The following THSD7A variants were observed in gnomAD, a reference collection of about 807,000 sequenced individuals.
THSD7A encodes thrombospondin type 1 domain containing 7A.
A neutral mutation model predicts 231.3 loss-of-function variants in THSD7A; 96 were observed. The observed-to-expected ratio is 0.41, with a 90% CI of 0.35 to 0.49. The LOEUF (loss-of-function observed/expected upper bound fraction) is 0.49, where lower values mean the gene tolerates loss of function less well. THSD7A is among the 20% of genes least tolerant of loss of function. THSD7A has a pLI of 0.05. For missense variants in THSD7A, 2,290 were observed against 2,070.2 expected (o/e 1.11, Z -2.06); for synonymous variants, 940 against 743.3 (o/e 1.26, Z -4.30).
At chr7:11,745,002 C>T (rs1030615028) in intron 1 of THSD7A, among the ~76,000 whole-genome samples, 4 of 151,972 alleles carry the variant, frequency 2.6e-5, no homozygotes, top group African/African-American at 9.7e-5. Context: ...GTTCTAGATC[C>T]CTGAGGAATC....
At chr7:11,804,700 A>G (rs1784356391) in intron 1 of THSD7A, among the ~76,000 whole-genome samples, 1 of 152,156 alleles carries the variant, frequency 6.6e-6, no homozygotes, top group Non-Finnish European at 1.5e-5. Context: ...CTCTTCCTCA[A>G]AGGAAATGTA....
chr7:11,784,617 A>G (rs573555192), intron 1 of THSD7A, among the ~76,000 whole-genome samples: 1 of 152,062 alleles, frequency 6.6e-6, no homozygotes, highest in African/African-American at 2.4e-5. Flanking sequence ...TTTTCCTTTC[A>G]AATGTACTTG....
rs529507694 is a variant in THSD7A at position 11,634,839 on chromosome 7, C to T, written c.1022+1291G>A. On this transcript the variant is annotated intron_variant, in intron 2 of 27. Transcript: ENST00000423059. The surrounding 1 kb of genome is among the most constrained non-coding windows in gnomAD (Gnocchi z 4.1). ...AGAGAAAGTTATTGTCTTAGACAGA[C>T]CAATCAATTTTTGTTTATCTAATTA... 2.6e-5 allele frequency among the ~76,000 whole-genome samples: 4 copies of T among 151,974 alleles called. No individual in the cohort carries two copies. Among genetic ancestry groups the T allele is most frequent in the African/African-American group, 9.7e-5 (4 of 41,382 alleles).
intron 13 of THSD7A, among the ~76,000 whole-genome samples, chr7:11,435,913 T>C (rs1784619366): frequency 6.6e-6 from 1 of 151,994 alleles, no homozygotes; most frequent in African/African-American, 2.4e-5. Context: ...GCCCTTAACC[T>C]GTGAAGTTTG....
chr7:11,605,739 AG>A (rs1441483375), intron 2 of THSD7A, among the ~76,000 whole-genome samples: 1 of 152,156 alleles, frequency 6.6e-6, no homozygotes, highest in African/African-American at 2.4e-5. Flanking sequence ...GATAGGCTGG[AG>A]GAAAAAGCCC....
chr7:11,433,599 T>C (rs539903905), intron 13 of THSD7A, among the ~76,000 whole-genome samples: 66 of 152,112 alleles, frequency 4.3e-4, no homozygotes, highest in African/African-American at 1.6e-3. Context: ...AAAGGAAATA[T>C]TTTTATAAGA....
intron 1 of THSD7A, among the ~76,000 whole-genome samples, chr7:11,779,522 G>C (rs1444051653): frequency 1.3e-5 from 2 of 152,114 alleles, no homozygotes; most frequent in Admixed American, 1.3e-4. Context: ...ATGTTTTGCT[G>C]TCTTACTCAA....
At chr7:11,531,308 G>A (rs141733747) in intron 6 of THSD7A, among the ~76,000 whole-genome samples, 12 of 152,158 alleles carry the variant, frequency 7.9e-5, no homozygotes, top group East Asian at 7.7e-4. Context: ...CCTAAAGTTC[G>A]TTCTCAACAA....
At chr7:11,604,789 A>G (rs886659379) in intron 2 of THSD7A, among the ~76,000 whole-genome samples, 1 of 152,146 alleles carries the variant, frequency 6.6e-6, no homozygotes, top group Non-Finnish European at 1.5e-5. Flanking sequence ...CTTGATGTGG[A>G]TATATCCAGC....
chr7:11,571,578 G>A (rs185588948), intron 4 of THSD7A, among the ~76,000 whole-genome samples: 24 of 152,282 alleles, frequency 1.6e-4, no homozygotes, highest in Non-Finnish European at 3.2e-4. Context: ...ACATGGCTCA[G>A]GTAATCTATC....
chr7:11,660,661 A>G (rs1782893124), intron 1 of THSD7A, among the ~76,000 whole-genome samples: 2 of 151,448 alleles, frequency 1.3e-5, no homozygotes, highest in Non-Finnish European at 3.0e-5. Context: ...TTTTGTTTGA[A>G]AGAAGTTAAG....
chr7:11,413,342 C>G (rs1783849272), intron 17 of THSD7A, among the ~76,000 whole-genome samples: 1 of 151,776 alleles, frequency 6.6e-6, no homozygotes, highest in Admixed American at 6.6e-5. Context: ...AATGGACCCC[C>G]TCTTGGCCAT....
intron 1 of THSD7A, among the ~76,000 whole-genome samples, chr7:11,794,507 C>A (rs77169634): frequency 0.029 from 4,395 of 152,054 alleles, 105 homozygotes; most frequent in East Asian, 0.15. Flanking sequence ...TCTCTCCCCC[C>A]TGCCTCTTTT....
intron 7 of THSD7A, among the ~76,000 whole-genome samples, chr7:11,475,773 G>A (rs1786144674): frequency 6.6e-6 from 1 of 150,740 alleles, no homozygotes; most frequent in African/African-American, 2.4e-5. Context: ...GTTTTGCATT[G>A]TAAAATATGA....
At chr7:11,603,841 A>G (rs1780638589) in intron 2 of THSD7A, among the ~76,000 whole-genome samples, 1 of 139,276 alleles carries the variant, frequency 7.2e-6, no homozygotes, top group Admixed American at 7.9e-5. Context: ...GATCACATGG[A>G]CACAGGAAGG....
chr7:11,388,110 T>G (rs111251388), intron 23 of THSD7A, among the ~76,000 whole-genome samples: 7 of 152,182 alleles, frequency 4.6e-5, no homozygotes, highest in African/African-American at 1.4e-4. Context: ...TGCCAGTATT[T>G]TGTTGAGGAT....
At chr7:11,724,604 G>A (rs534899366) in intron 1 of THSD7A, among the ~76,000 whole-genome samples, 25 of 151,804 alleles carry the variant, frequency 1.6e-4, no homozygotes, top group African/African-American at 3.9e-4. Context: ...ATGTATTATC[G>A]AAGTATCTAA....
At position 11,447,199 on chromosome 7, in the gene THSD7A, G is replaced by A. The variant is rs780086165; in HGVS notation, c.2800+31C>T. 15 of 1,604,354 alleles carry A rather than the reference G, an allele frequency of 9.3e-6. No homozygotes were observed. In the South Asian group the frequency reaches 1.5e-4, roughly 17 times the overall value. On this transcript the variant is annotated intron_variant, in intron 12 of 27. Transcript: ENST00000423059. ...GTATTATGTTCCTCTACTTTGACGTGTACTGGCTTTGGCATCCCAATTATT... is the reference window on the plus strand; with the variant it reads ...GTATTATGTTCCTCTACTTTGACGTATACTGGCTTTGGCATCCCAATTATT...
In THSD7A at chr7:11,632,634, G is replaced by A. The variant is rs944778796; in HGVS notation, c.1022+3496C>T. Among the ~76,000 whole-genome samples, 1 of 152,076 alleles carries A rather than the reference G, an allele frequency of 6.6e-6. No individual in the cohort carries two copies. Among genetic ancestry groups the A allele is most frequent in the Non-Finnish European group, 1.5e-5 (1 of 68,008 alleles). The stretch of plus-strand genomic sequence containing the variant: ...GTCTTATCATTACAGATAATCTGCT[G>A]TCCTGTCTTATTTTTTACTTTAAAG... On this transcript the variant is annotated intron_variant, in intron 2 of 27. Coordinates refer to ENST00000423059, the MANE Select transcript of THSD7A (RefSeq NM_015204.3). The surrounding 1 kb of genome is among the most constrained non-coding windows in gnomAD (Gnocchi z 4.1).
Sources: gnomAD v4.1 joint callset for allele counts (sites outside exome capture counted in the v4.1 genomes callset) on GRCh38, gnomAD v4.1.1 for gene constraint, Gnocchi (gnomAD v3.1) non-coding constraint, MANE v1.5 for transcripts, NCBI Gene and HGNC (gene_info 2026-07-23, HGNC 2026-07-21) for gene names.